FSHR: variants seen among roughly 807,000 people sequenced by gnomAD.
The protein encoded by FSHR is follicle stimulating hormone receptor, also known as follicle-stimulating hormone receptor.
A neutral mutation model predicts 52.1 loss-of-function variants in FSHR; 46 were observed. The ratio of observed to expected loss-of-function variants is 0.88; its 90% CI spans 0.70 to 1.13. FSHR has a LOEUF of 1.13. Ranked by LOEUF, FSHR falls within the 50% of genes most tolerant of loss-of-function variation. The probability of loss-of-function intolerance (pLI) is 0.00; values close to 1 mark genes in which losing one functional copy is unlikely to be tolerated. For synonymous variants in FSHR, 399 were observed against 309.6 expected (o/e 1.29, Z -3.03); for missense variants, 964 against 834.6 (o/e 1.16, Z -1.91).
intron 2 of FSHR, 65 bp from the exon 3 acceptor site, chr2:49,020,225 C>CTATGCTGAGCCCTAA: frequency 2.3e-6 from 3 of 1,283,690 alleles, no homozygotes; most frequent in Non-Finnish European, 3.4e-6. Flanking sequence ...TTTTAGGGCT[C>CTATGCTGAGCCCTAA]AGCATAGAGC....
chr2:49,093,290 T>G (rs961531892), intron 1 of FSHR, among the ~76,000 whole-genome samples: 1 of 152,176 alleles, frequency 6.6e-6, no homozygotes, highest in Non-Finnish European at 1.5e-5. Flanking sequence ...GAGATAGGAG[T>G]GTTAAAACGT....
intron 4 of FSHR, among the ~76,000 whole-genome samples, chr2:49,001,374 CTCT>C (rs1383760759): frequency 6.6e-6 from 1 of 152,118 alleles, no homozygotes; most frequent in African/African-American, 2.4e-5. Context: ...GCTCCCCTGC[CTCT>C]TGGTGATGTT....
intron 1 of FSHR, among the ~76,000 whole-genome samples, chr2:49,119,761 A>G (rs1004699709): frequency 6.6e-6 from 1 of 152,222 alleles, no homozygotes; most frequent in African/African-American, 2.4e-5. Context: ...AAAAACGAAC[A>G]AAGGAATCCA....
intron 6 of FSHR, among the ~76,000 whole-genome samples, chr2:48,985,960 G>T (rs528295169): frequency 6.6e-6 from 1 of 151,992 alleles, no homozygotes; most frequent in East Asian, 1.9e-4. Flanking sequence ...TGATCCACCC[G>T]CCTCGGCCTC....
intron 9 of FSHR, among the ~76,000 whole-genome samples, chr2:48,965,595 A>G (rs1283940977): frequency 2.0e-5 from 3 of 152,208 alleles, no homozygotes; most frequent in Non-Finnish European, 1.5e-5. Context: ...TTCCAGGAAG[A>G]GAAAGTAAGT....
intron 1 of FSHR, among the ~76,000 whole-genome samples, chr2:49,132,559 G>A (rs1179229415): frequency 1.3e-5 from 2 of 152,024 alleles, no homozygotes; most frequent in Non-Finnish European, 1.5e-5. Context: ...CAGTATTTAG[G>A]ACATGCATAC....
rs1674276145 is a variant in FSHR at position 48,962,635 on chromosome 2, A to G, written c.*98T>C. ...AGGTATGCCAGGAATATTAAATTAGATGAAATGTGTAGAAGCACTGTCAGC... is the reference window on the plus strand; with the variant it reads ...AGGTATGCCAGGAATATTAAATTAGGTGAAATGTGTAGAAGCACTGTCAGC... On this transcript the variant is annotated 3_prime_UTR_variant, in exon 10 of 10. Coordinates refer to ENST00000406846, the MANE Select transcript of FSHR (RefSeq NM_000145.4). The G allele has an allele frequency of 1.6e-6, 2 of 1,228,964 alleles. No homozygotes were observed. The highest frequency in any genetic ancestry group is 1.2e-5 in the South Asian group (1 of 80,074). The allele number at this position is 1,228,964 out of a possible 1,614,324, so 76.1% of individuals were successfully genotyped here.
chr2:49,150,892 A>G (rs1489311333), intron 1 of FSHR, among the ~76,000 whole-genome samples: 1 of 152,106 alleles, frequency 6.6e-6, no homozygotes, highest in Non-Finnish European at 1.5e-5. Context: ...ATGGCCAGTA[A>G]GCTAAAAATC....
intron 2 of FSHR, among the ~76,000 whole-genome samples, chr2:49,032,073 T>C (rs1360857486): frequency 1.3e-5 from 2 of 152,090 alleles, no homozygotes; most frequent in Non-Finnish European, 2.9e-5. Context: ...TTATATTGAG[T>C]CAAGTAAACA....
chr2:48,983,239 A>C (rs1289292035), intron 6 of FSHR, 73 bp from the exon 7 acceptor site: 1 of 1,411,360 alleles, frequency 7.1e-7, no homozygotes, highest in East Asian at 2.3e-5. Context: ...AATTGGAAGC[A>C]CTGAGCAAGG....
At chr2:49,059,939 A>G (rs902366788) in intron 2 of FSHR, among the ~76,000 whole-genome samples, 1 of 152,172 alleles carries the variant, frequency 6.6e-6, no homozygotes, top group Non-Finnish European at 1.5e-5. Flanking sequence ...ATGGGAGAAT[A>G]TGTTTGCCAA....
At chr2:49,039,969 A>C (rs1417714457) in intron 2 of FSHR, among the ~76,000 whole-genome samples, 1 of 152,160 alleles carries the variant, frequency 6.6e-6, no homozygotes, top group Non-Finnish European at 1.5e-5. Flanking sequence ...CATAATCATA[A>C]AAATGTCCTA....
chr2:49,075,443 C>G (rs13035091), intron 1 of FSHR, among the ~76,000 whole-genome samples: 56,716 of 127,370 alleles, frequency 0.45, 11,150 homozygotes, highest in East Asian at 0.65. Context: ...TAACAATAAA[C>G]AAGATCAACA....
At chr2:49,149,147 C>G (rs1365918929) in intron 1 of FSHR, among the ~76,000 whole-genome samples, 2 of 151,748 alleles carry the variant, frequency 1.3e-5, no homozygotes, top group Non-Finnish European at 1.5e-5. Context: ...AAGTTTGAAA[C>G]CTATATGATG....
intron 1 of FSHR, among the ~76,000 whole-genome samples, chr2:49,088,759 T>A (rs1670491712): frequency 6.6e-6 from 1 of 152,180 alleles, no homozygotes; most frequent in African/African-American, 2.4e-5. Flanking sequence ...AGGGATAAAC[T>A]TCCTTTTAGA....
chr2:49,060,086 C>T lies in FSHR; in HGVS notation c.224+8133G>A, dbSNP rs190045977. The stretch of plus-strand genomic sequence containing the variant: ...AAAGAAGACATATAAATGGCCAACA[C>T]ATATATGGAAAAATGCTCCACATCA... On this transcript the variant is annotated intron_variant, in intron 2 of 9. Coordinates refer to ENST00000406846, the MANE Select transcript of FSHR (RefSeq NM_000145.4). 8.7e-4 allele frequency among the ~76,000 whole-genome samples: 133 copies of T among 152,146 alleles called. 3 individuals carry two copies. Among genetic ancestry groups the T allele is most frequent in the Admixed American group, 8.5e-3 (130 of 15,278 alleles).
At chr2:48,988,713 G>C (rs576121682) in intron 6 of FSHR, among the ~76,000 whole-genome samples, 2 of 152,260 alleles carry the variant, frequency 1.3e-5, no homozygotes, top group South Asian at 4.1e-4. Flanking sequence ...CTTTCCTTTG[G>C]AACAGATGTT....
At chr2:49,106,544 G>A (rs1318108060) in intron 1 of FSHR, among the ~76,000 whole-genome samples, 2 of 152,154 alleles carry the variant, frequency 1.3e-5, no homozygotes, top group Non-Finnish European at 2.9e-5. Context: ...AATTAAGCGA[G>A]AAGAAAGACA....
At chr2:49,129,260 T>C (rs1365892710) in intron 1 of FSHR, among the ~76,000 whole-genome samples, 1 of 152,110 alleles carries the variant, frequency 6.6e-6, no homozygotes, top group African/African-American at 2.4e-5. Flanking sequence ...TCAACACCTA[T>C]TGATTCTGAG....
Sources: gnomAD v4.1 joint callset for allele counts (sites outside exome capture counted in the v4.1 genomes callset) on GRCh38, gnomAD v4.1.1 for gene constraint, MANE v1.5 for transcripts, NCBI Gene and HGNC (gene_info 2026-07-23, HGNC 2026-07-21) for gene names.